TMEM63B: variants seen among roughly 807,000 people sequenced by gnomAD.
TMEM63B encodes the protein transmembrane protein 63B, also known as mechanosensitive cation channel TMEM63B.
TMEM63B carries 23 observed loss-of-function variants against 102.6 expected under a neutral mutation model. That is an observed-to-expected ratio of 0.22 (90% CI 0.16 to 0.32). The LOEUF is 0.32. TMEM63B is among the 10% of genes least tolerant of loss of function. The pLI, the probability that TMEM63B is intolerant of heterozygous loss-of-function variation, is 1.00. For missense variants in TMEM63B, 628 were observed against 1,095.9 expected (o/e 0.57, Z 6.03); for synonymous variants, 444 against 437.0 (o/e 1.02, Z -0.20).
At chr6:44,136,770 A>G (rs1373671289) in intron 5 of TMEM63B, among the ~76,000 whole-genome samples, 2 of 152,162 alleles carry the variant, frequency 1.3e-5, no homozygotes, top group Non-Finnish European at 2.9e-5. Flanking sequence ...AAATAATAAT[A>G]AGCCCTTGGC....
intron 15 of TMEM63B, 44 bp from the exon 16 acceptor site, chr6:44,149,815 C>T: frequency 6.6e-7 from 1 of 1,522,118 alleles, no homozygotes; most frequent in Non-Finnish European, 9.0e-7. Context: ...CCACCTGGGC[C>T]CCCTAGACTG....
At position 44,152,620 on chromosome 6, in the gene TMEM63B, G is replaced by A; in HGVS notation, c.1864G>A (p.Ala622Thr). The A allele has an allele frequency of 6.2e-7, 1 of 1,608,326 alleles. No individual in the cohort carries two copies. Among genetic ancestry groups the A allele is most frequent in the Non-Finnish European group, 8.5e-7 (1 of 1,179,816 alleles). Residue 622 changes from alanine (A) to threonine (T), a missense_variant, in exon 20 of 24, where the codon GCA becomes ACA. Physicochemically the swap from Ala to Thr is moderately conservative, Grantham distance 58. This residue lies in a region of TMEM63B where 90 missense variants were observed against 136.7 expected (regional missense o/e 0.66). Transcript: ENST00000323267. The surrounding 1 kb of genome is among the most constrained non-coding windows in gnomAD (Gnocchi z 6.4). ...RHQAYEFQFG[A>T]AYAWMMCVFT... Reference sequence around the variant, plus strand: ...TCAGGCCTACGAGTTCCAGTTTGGCGCAGCCTACGCCTGGATGATGTGCGT... The same window carrying A: ...TCAGGCCTACGAGTTCCAGTTTGGCACAGCCTACGCCTGGATGATGTGCGT...
chr6:44,136,477 C>A (rs1337105395), intron 5 of TMEM63B, 38 bp downstream of exon 5: 1 of 1,420,216 alleles, frequency 7.0e-7, no homozygotes, highest in South Asian at 1.2e-5. Flanking sequence ...GTCCCCCACC[C>A]CACCCCCAGG....
intron 11 of TMEM63B, 116 bp from the exon 12 acceptor site, chr6:44,147,261 C>A: frequency 6.5e-7 from 1 of 1,534,714 alleles, no homozygotes; most frequent in Non-Finnish European, 8.9e-7. Flanking sequence ...ACATCTGAAA[C>A]ATGTATCCTA....
chr6:44,137,943 G>A (rs983978421), intron 5 of TMEM63B, among the ~76,000 whole-genome samples: 10 of 152,004 alleles, frequency 6.6e-5, no homozygotes, highest in Admixed American at 3.9e-4. Flanking sequence ...CAGTTGATCC[G>A]CCCGCCTTGG....
rs763436424 is a variant in TMEM63B at position 44,154,478 on chromosome 6, G to A, written c.2307+33G>A. 3 of 1,611,666 alleles carry A rather than the reference G, an allele frequency of 1.9e-6. No individual in the cohort carries two copies. The African/African-American group carries it at 4.0e-5, about 22-fold the overall frequency. On this transcript the variant is annotated intron_variant, in intron 23 of 23. Transcript: ENST00000323267. The stretch of plus-strand genomic sequence containing the variant: ...CCCTCAAGGGTTGGGAGGGGCCTCT[G>A]ACAGACTCAGCCTCAAAGCCCAGTG...
At chr6:44,140,997 C>T (rs1039224498) in intron 9 of TMEM63B, 31 bp from the exon 10 acceptor site, 33 of 1,612,340 alleles carry the variant, frequency 2.0e-5, no homozygotes, top group Non-Finnish European at 2.8e-5. Context: ...GGTCAAGCCT[C>T]AGAAGGCAAA....
Position 44,150,174 on chromosome 6 carries a change from G to C in TMEM63B, c.1521-50G>C, listed in dbSNP as rs537949886. 1.3e-6 allele frequency: 2 copies of C among 1,563,118 alleles called. No homozygotes were observed. Among genetic ancestry groups the C allele is most frequent in the African/African-American group, 1.4e-5 (1 of 74,026 alleles). ...TTGTCCTTGTTGGGGGAGCAAGTCT[G>C]GGGCCTGGGCTCACTTGACCTGTAC... is the stretch of plus-strand genomic sequence containing the variant. On this transcript the variant is annotated intron_variant, in intron 16 of 23. Coordinates refer to ENST00000323267, the MANE Select transcript of TMEM63B (RefSeq NM_018426.3). The surrounding 1 kb of genome is among the most constrained non-coding windows in gnomAD (Gnocchi z 4.7).
rs769656407 is a variant in TMEM63B at position 44,150,203 on chromosome 6, TC to T, written c.1521-18del. Reference sequence around the variant, plus strand: ...CCTGGGCTCACTTGACCTGTACCGTTCCCTGCTCCCCTCCCTCCAGCTCTGG... The same window carrying T: ...CCTGGGCTCACTTGACCTGTACCGTTCCTGCTCCCCTCCCTCCAGCTCTGG... On this transcript the variant is annotated intron_variant, in intron 16 of 23. Coordinates refer to ENST00000323267, the MANE Select transcript of TMEM63B (RefSeq NM_018426.3). This position sits in a 1 kb window ranked among gnomAD's most constrained non-coding sequence, Gnocchi z 4.7. 3.9e-5 allele frequency: 62 copies of T among 1,609,408 alleles called. No homozygotes were observed. The African/African-American group carries it at 8.0e-4, about 21-fold the overall frequency.
In TMEM63B at chr6:44,138,446, G is replaced by A. The variant is rs753895376; in HGVS notation, c.370-34G>A. The A allele has an allele frequency of 4.1e-5, 66 of 1,613,794 alleles. No homozygotes were observed. The East Asian group carries it at 1.4e-3, about 34-fold the overall frequency. ...GGAGAGAGGTTCGGGTTGGTGGGCT[G>A]GGGACTCCCGCTGACAGCCCTCTGT... On this transcript the variant is annotated intron_variant, in intron 5 of 23. Transcript: ENST00000323267.
At chr6:44,134,005 C>T (rs919455182) in intron 1 of TMEM63B, among the ~76,000 whole-genome samples, 8 of 152,204 alleles carry the variant, frequency 5.3e-5, no homozygotes, top group East Asian at 1.9e-4. Context: ...GACCCATCGT[C>T]GAACCTAAGC....
Position 44,136,388 on chromosome 6 carries a change from T to A in TMEM63B, c.318T>A (p.Tyr106Ter). The A allele has an allele frequency of 6.2e-7, 1 of 1,614,102 alleles. No individual in the cohort carries two copies. Reference protein sequence around the residue: ...SAMHGDSHDRYERLTSVSSSV... With the variant: ...SAMHGDSHDR ...TGCACGGGGACAGCCATGACCGGTA[T>A]GAGCGTCTCACCTCTGTCTCCAGCT... Residue 106 changes from tyrosine to a stop codon, truncating the protein, a stop_gained, in exon 5 of 24, where the codon TAT becomes TAA. Coordinates refer to ENST00000323267, the MANE Select transcript of TMEM63B (RefSeq NM_018426.3). LOFTEE classifies it high-confidence loss of function.
At chr6:44,137,081 C>T (rs12526930) in intron 5 of TMEM63B, among the ~76,000 whole-genome samples, 50,220 of 152,082 alleles carry the variant, frequency 0.33, 9,069 homozygotes, top group East Asian at 0.51. Flanking sequence ...AGCCCTCCAG[C>T]CCTGCCTAGA....
In TMEM63B at chr6:44,146,903, G is replaced by A. The variant is rs771732590; in HGVS notation, c.839G>A (p.Arg280His). ...LEARPCYNVA[R>H]LMFLDAERKK... is the part of the protein sequence containing the mutation. The stretch of plus-strand genomic sequence containing the variant: ...GCCCGCCCGTGTTACAACGTGGCTC[G>A]CCTAATGTTCCTCGATGCAGAGAGG... The change falls in exon 11 of 24, where the codon CGC becomes CAC. Residue 280 changes from arginine (R) to histidine (H), a missense_variant. Physicochemically the swap from Arg to His is conservative, Grantham distance 29. Coordinates refer to ENST00000323267, the MANE Select transcript of TMEM63B (RefSeq NM_018426.3). 6.2e-7 allele frequency: 1 copy of A among 1,614,046 alleles called. No individual in the cohort carries two copies. Among genetic ancestry groups the A allele is most frequent in the Non-Finnish European group, 8.5e-7 (1 of 1,179,972 alleles).
At chr6:44,138,432 C>T (rs200774359) in intron 5 of TMEM63B, 48 bp from the exon 6 acceptor site, 248 of 1,612,982 alleles carry the variant, frequency 1.5e-4, no homozygotes, top group East Asian at 1.3e-3. Context: ...GAGAGAGGTT[C>T]GGGTTGGTGG....
chr6:44,149,164 C>G, intron 15 of TMEM63B: 1 of 622,616 alleles, frequency 1.6e-6, no homozygotes, highest in South Asian at 1.9e-5. Flanking sequence ...TGGAGAAACA[C>G]CCAGGGAAGA....
rs775203454 is a variant in TMEM63B, at chr6:44,154,403, C to T, written c.2265C>T (p.Ser755=). The T allele has an allele frequency of 6.2e-7, 1 of 1,613,950 alleles. No individual in the cohort carries two copies. The highest frequency in any genetic ancestry group is 1.7e-5 in the Admixed American group (1 of 59,996). The change falls in exon 23 of 24, where the codon AGC becomes AGT. Residue 755 remains serine, a synonymous_variant. Coordinates refer to ENST00000323267, the MANE Select transcript of TMEM63B (RefSeq NM_018426.3). ...AGACAGATACTGTGGACCCCAGAAG[C>T]AATGGACGGCCCCCCACTGCTGCTG... ...HTETDTVDPR[S]NGRPPTAAAV...
At position 44,135,251 on chromosome 6, in the gene TMEM63B, A is replaced by G. The variant is rs1582769068; in HGVS notation, c.240-77A>G. 17 of 1,570,316 alleles carry G rather than the reference A, an allele frequency of 1.1e-5. No homozygotes were observed. In the East Asian group the frequency reaches 3.7e-4, roughly 34 times the overall value. Reference sequence around the variant, plus strand: ...TGGGCATGGGGGCATGAGGGCCCTAAGTTGGGCCCCTGTTCCTCACCTGTC... The same window carrying G: ...TGGGCATGGGGGCATGAGGGCCCTAGGTTGGGCCCCTGTTCCTCACCTGTC... On this transcript the variant is annotated intron_variant, in intron 3 of 23. Transcript: ENST00000323267.
intron 10 of TMEM63B, 107 bp from the exon 11 acceptor site, chr6:44,146,740 C>T (rs1230976275): frequency 8.6e-7 from 1 of 1,159,144 alleles, no homozygotes. Context: ...TGTGAGCCAC[C>T]ACGTCCAGCC....
Sources: allele counts gnomAD v4.1 joint callset (sites outside exome capture counted in the v4.1 genomes callset), GRCh38; gene constraint gnomAD v4.1.1; regional missense constraint gnomAD v4.1.1; non-coding constraint Gnocchi (gnomAD v3.1); transcripts MANE v1.5; gene names NCBI Gene and HGNC (gene_info 2026-07-23, HGNC 2026-07-21).